Variants in SETD5 observed in about 807,000 individuals in gnomAD.
The protein encoded by SETD5 is histone-lysine N-methyltransferase SETD5.
A neutral mutation model predicts 153.3 loss-of-function variants in SETD5; 44 were observed. The ratio of observed to expected loss-of-function variants is 0.29; its 90% CI spans 0.23 to 0.37. SETD5 has a LOEUF of 0.37. Among genes scored for constraint, SETD5 ranks in the 10% least tolerant of loss-of-function variants. The pLI is 1.00. For synonymous variants in SETD5, 716 were observed against 645.2 expected (o/e 1.11, Z -1.66); for missense variants, 1,544 against 1,768.0 (o/e 0.87, Z 2.27).
intron 3 of SETD5, 165 bp downstream of exon 3, chr3:9,429,174 AAG>A (rs2125046683): frequency 2.5e-6 from 1 of 392,634 alleles, no homozygotes; most frequent in East Asian, 4.0e-5. Flanking sequence ...TGGTGGAAAA[AAG>A]GAATTAGAAG....
At chr3:9,443,255 A>T in intron 10 of SETD5, 53 bp from the exon 11 acceptor site, 3 of 1,297,592 alleles carry the variant, frequency 2.3e-6, no homozygotes, top group Non-Finnish European at 3.3e-6. Context: ...TTTCTCTCTT[A>T]CGGAAAGTTC....
intron 3 of SETD5, chr3:9,430,101 T>C (rs750202843): frequency 7.2e-5 from 75 of 1,039,662 alleles, no homozygotes; most frequent in Non-Finnish European, 8.3e-5. Context: ...TCACAGTCCC[T>C]GGGGATTCTT....
chr3:9,416,967 G>A (rs2037562318), intron 1 of SETD5, among the ~76,000 whole-genome samples: 1 of 151,804 alleles, frequency 6.6e-6, no homozygotes, highest in African/African-American at 2.4e-5. Flanking sequence ...AAAAATAAAA[G>A]CATGAATAGT....
chr3:9,456,929 T>TCA (rs1403518681), intron 17 of SETD5, among the ~76,000 whole-genome samples: 2 of 151,616 alleles, frequency 1.3e-5, no homozygotes, highest in African/African-American at 4.9e-5. Flanking sequence ...TGAGCCAAGG[T>TCA]CACGCCACTG....
intron 1 of SETD5, among the ~76,000 whole-genome samples, chr3:9,404,275 G>A (rs139901401): frequency 3.9e-5 from 6 of 152,262 alleles, no homozygotes; most frequent in Admixed American, 6.5e-5. Context: ...TTTCGTACAC[G>A]TAATATTAAG....
At chr3:9,430,937 GCT>G in intron 3 of SETD5, 2 of 985,230 alleles carry the variant, frequency 2.0e-6, no homozygotes, top group Non-Finnish European at 2.4e-6. Context: ...GTCATAACTA[GCT>G]ACATAGTTAT....
chr3:9,461,325 A>G (rs541819169), intron 17 of SETD5, among the ~76,000 whole-genome samples: 57 of 152,330 alleles, frequency 3.7e-4, no homozygotes, highest in African/African-American at 1.3e-3. Context: ...ATTTCTATTC[A>G]TTGTCATAAA....
intron 7 of SETD5, 39 bp from the exon 8 acceptor site, chr3:9,440,417 C>G (rs1320623493): frequency 1.8e-6 from 2 of 1,107,986 alleles, no homozygotes. Context: ...TCTATTTATG[C>G]ATGGACTTTA....
intron 8 of SETD5, 70 bp from the exon 9 acceptor site, chr3:9,441,523 A>T (rs750277969): frequency 7.2e-7 from 1 of 1,382,778 alleles, no homozygotes. Context: ...TTCCTTAATT[A>T]TGAAGTAATT....
At chr3:9,399,887 C>G (rs1485970238) in intron 1 of SETD5, among the ~76,000 whole-genome samples, 2 of 145,018 alleles carry the variant, frequency 1.4e-5, no homozygotes, top group East Asian at 3.9e-4. Flanking sequence ...AAGGTTGTTC[C>G]TTTGGGTTGG....
chr3:9,430,801 A>G, intron 3 of SETD5: 1 of 984,282 alleles, frequency 1.0e-6, no homozygotes, highest in African/African-American at 1.7e-5. Flanking sequence ...GTCTAGGACT[A>G]ATTCCAGAAA....
chr3:9,437,324 G>C (rs2040690381), intron 7 of SETD5, among the ~76,000 whole-genome samples: 1 of 152,084 alleles, frequency 6.6e-6, no homozygotes, highest in South Asian at 2.1e-4. Context: ...TAGCATATCT[G>C]TTTGGTGGAA....
chr3:9,406,310 T>C (rs1360012807), intron 1 of SETD5, among the ~76,000 whole-genome samples: 2 of 152,244 alleles, frequency 1.3e-5, no homozygotes, highest in East Asian at 1.9e-4. Flanking sequence ...TGATTGATTA[T>C]ATGCTGAATG....
At chr3:9,403,988 T>A (rs150847380) in intron 1 of SETD5, among the ~76,000 whole-genome samples, 2 of 152,336 alleles carry the variant, frequency 1.3e-5, no homozygotes, top group Non-Finnish European at 2.9e-5. Flanking sequence ...GTGATAGGAT[T>A]TCTCTTTTAT....
rs887115016 is a variant in SETD5 at position 9,442,260 on chromosome 3, G to A, written c.1077+15G>A. The A allele has an allele frequency of 1.9e-6, 3 of 1,549,750 alleles. No individual in the cohort carries two copies. Among genetic ancestry groups the A allele is most frequent in the South Asian group, 2.3e-5 (2 of 88,656 alleles). The stretch of plus-strand genomic sequence containing the variant: ...CAAATGCAGAGGTAAGATATCTGTA[G>A]CAACTTCCCTTTGACTGGAACCATC... On this transcript the variant is annotated intron_variant, in intron 10 of 22. Coordinates refer to ENST00000402198, the MANE Select transcript of SETD5 (RefSeq NM_001080517.3).
intron 7 of SETD5, 58 bp downstream of exon 7, chr3:9,435,964 G>A (rs2040515651): frequency 1.4e-6 from 2 of 1,447,732 alleles, no homozygotes; most frequent in Admixed American, 2.4e-5. Context: ...AAATTTTGGA[G>A]CAAGAATGCA....
In SETD5 at chr3:9,403,281, A is replaced by G. The variant is rs954149120; in HGVS notation, c.-177+5304A>G. On this transcript the variant is annotated intron_variant, in intron 1 of 22. Coordinates refer to ENST00000402198, the MANE Select transcript of SETD5 (RefSeq NM_001080517.3). ...AATAAAAAAATAAATAAAGCTCTGT[A>G]TAGGTTAAAATAAAATAAATCCCAC... Among the ~76,000 whole-genome samples the G allele has an allele frequency of 2.0e-5, 3 of 152,198 alleles. No individual in the cohort carries two copies. The South Asian group carries it at 6.2e-4, about 32-fold the overall frequency.
chr3:9,423,388 A>G (rs567607479), intron 1 of SETD5: 1 of 152,364 alleles, frequency 6.6e-6, no homozygotes, highest in Admixed American at 6.5e-5. Context: ...TCTGAATCCA[A>G]GAACTTACTA....
intron 16 of SETD5, chr3:9,449,414 CCTTT>C (rs1474162003): frequency 6.6e-6 from 1 of 152,100 alleles, no homozygotes; most frequent in East Asian, 1.9e-4. Flanking sequence ...TATAGGACAC[CCTTT>C]CATTTGGTCT....
Sources: gnomAD v4.1 joint callset for allele counts (sites outside exome capture counted in the v4.1 genomes callset) on GRCh38, gnomAD v4.1.1 for gene constraint, MANE v1.5 for transcripts, NCBI Gene and HGNC (gene_info 2026-07-23, HGNC 2026-07-21) for gene names.